The following NSG2 variants were observed in gnomAD, a reference collection of about 807,000 sequenced individuals.
The protein encoded by NSG2 is neuronal vesicle trafficking-associated protein 2.
In NSG2, 4 loss-of-function variants were observed where a neutral mutation model predicts 16.9. The observed-to-expected ratio is 0.24, with a 90% CI of 0.12 to 0.54. The LOEUF (loss-of-function observed/expected upper bound fraction) is 0.54. NSG2 is among the 20% of genes least tolerant of loss of function. NSG2 has a pLI of 0.95. For missense variants in NSG2, 179 were observed against 221.1 expected (o/e 0.81, Z 1.21); for synonymous variants, 98 against 88.7 (o/e 1.11, Z -0.59).
chr5:174,097,635 G>T (rs1305592353), intron 3 of NSG2, among the ~76,000 whole-genome samples: 1 of 149,974 alleles, frequency 6.7e-6, no homozygotes. Context: ...GTGTCTCTGT[G>T]TGTGTGTTTC....
intron 3 of NSG2, among the ~76,000 whole-genome samples, chr5:174,095,456 G>T (rs992359442): frequency 4.6e-5 from 7 of 152,114 alleles, no homozygotes; most frequent in African/African-American, 7.2e-5. Flanking sequence ...TCCCAGGCTT[G>T]TGGATGCATC....
At chr5:174,086,327 A>G (rs1760620603) in intron 3 of NSG2, 1 of 152,262 alleles carries the variant, frequency 6.6e-6, no homozygotes, top group Non-Finnish European at 1.5e-5. Context: ...TGCAAGTAAC[A>G]AAAGAAAGTA....
intron 2 of NSG2, among the ~76,000 whole-genome samples, chr5:174,051,036 C>G (rs998343800): frequency 1.3e-5 from 2 of 152,184 alleles, no homozygotes; most frequent in Non-Finnish European, 2.9e-5. Context: ...ATTCCTTTCA[C>G]TCCCACGTTG....
chr5:174,093,994 A>G (rs1219030521), intron 3 of NSG2, among the ~76,000 whole-genome samples: 1 of 152,190 alleles, frequency 6.6e-6, no homozygotes, highest in Non-Finnish European at 1.5e-5. Context: ...ATATCTTCCT[A>G]GAATAAGTTT....
intron 2 of NSG2, 47 bp from the exon 3 acceptor site, chr5:174,064,185 A>C: frequency 7.6e-7 from 1 of 1,318,450 alleles, no homozygotes. Context: ...AGAAAGGAAA[A>C]TGTTTCAAGT....
chr5:174,053,996 A>G lies in NSG2; in HGVS notation c.129+7112A>G, dbSNP rs538096415. Among the ~76,000 whole-genome samples the G allele has an allele frequency of 5.3e-5, 8 of 152,364 alleles. No homozygotes were observed. The East Asian group carries it at 1.5e-3, about 29-fold the overall frequency. ...ATTTCAAGTATGCAAAGGCCACTAT[A>G]TATTGAAAAGAACTGGGAACAACTT... is the stretch of plus-strand genomic sequence containing the variant. On this transcript the variant is annotated intron_variant, in intron 2 of 4. Coordinates refer to ENST00000303177, the MANE Select transcript of NSG2 (RefSeq NM_015980.5).
chr5:174,079,265 T>TC (rs1561668164), intron 3 of NSG2, among the ~76,000 whole-genome samples: 8 of 125,632 alleles, frequency 6.4e-5, no homozygotes, highest in African/African-American at 2.7e-4. Flanking sequence ...CTCTCTCTCT[T>TC]TTTTTTTTTT....
At chr5:174,095,136 G>A (rs967671705) in intron 3 of NSG2, among the ~76,000 whole-genome samples, 28 of 152,162 alleles carry the variant, frequency 1.8e-4, no homozygotes, top group South Asian at 4.2e-4. Context: ...CAGTTCATAC[G>A]GCAGTCTTCC....
chr5:174,051,383 C>T (rs1759886658), intron 2 of NSG2, among the ~76,000 whole-genome samples: 1 of 152,296 alleles, frequency 6.6e-6, no homozygotes, highest in South Asian at 2.1e-4. Context: ...TCCTTCTGCC[C>T]AGAATGCCCT....
intron 3 of NSG2, among the ~76,000 whole-genome samples, chr5:174,084,418 A>T (rs1760559057): frequency 6.6e-6 from 1 of 152,214 alleles, no homozygotes; most frequent in African/African-American, 2.4e-5. Context: ...GGCTATAGAG[A>T]TGAGTCCTCA....
intron 2 of NSG2, among the ~76,000 whole-genome samples, chr5:174,053,069 A>G (rs1014217173): frequency 6.6e-6 from 1 of 152,218 alleles, no homozygotes; most frequent in Non-Finnish European, 1.5e-5. Flanking sequence ...GGCCACATGC[A>G]CTTCATAGTC....
intron 3 of NSG2, among the ~76,000 whole-genome samples, chr5:174,073,847 T>G (rs1380321811): frequency 6.6e-6 from 1 of 152,154 alleles, no homozygotes; most frequent in Non-Finnish European, 1.5e-5. Flanking sequence ...AATGCTGCAA[T>G]AAAGCAAGTC....
intron 3 of NSG2, among the ~76,000 whole-genome samples, chr5:174,065,410 G>A (rs1043511920): frequency 3.9e-5 from 6 of 152,150 alleles, no homozygotes; most frequent in African/African-American, 1.2e-4. Flanking sequence ...AGAAGTGGGC[G>A]GAGGGCAGAC....
intron 2 of NSG2, among the ~76,000 whole-genome samples, chr5:174,050,820 A>G (rs1157038744): frequency 2.0e-4 from 30 of 151,972 alleles, no homozygotes. Context: ...GAAGAGCAGC[A>G]GGCTCCTGAG....
At chr5:174,065,327 C>CA (rs144603912) in intron 3 of NSG2, among the ~76,000 whole-genome samples, 514 of 120,564 alleles carry the variant, frequency 4.3e-3, no homozygotes, top group South Asian at 0.016. Flanking sequence ...GACTCCGTCT[C>CA]AAAAAAAAAA....
chr5:174,108,246 G>T lies in NSG2; in HGVS notation c.*741G>T. The T allele has an allele frequency of 6.3e-6, 1 of 158,346 alleles. No individual in the cohort carries two copies. Among genetic ancestry groups the T allele is most frequent in the Non-Finnish European group, 1.4e-5 (1 of 71,364 alleles). The allele number at this position is 158,346 out of a possible 1,614,324, so 9.8% of individuals were successfully genotyped here. A position where few individuals can be genotyped will look rare whatever the true frequency, so the allele number is the denominator to read the frequency against. ...TCTGCATCAGCAAACGCTGAGGAGTGGGCAGATTTTCTTTGTCTTTTGCTT... is the reference window on the plus strand; with the variant it reads ...TCTGCATCAGCAAACGCTGAGGAGTTGGCAGATTTTCTTTGTCTTTTGCTT... On this transcript the variant is annotated 3_prime_UTR_variant, in exon 5 of 5. Coordinates refer to ENST00000303177, the MANE Select transcript of NSG2 (RefSeq NM_015980.5).
At chr5:174,058,092 C>T (rs1581218869) in intron 2 of NSG2, among the ~76,000 whole-genome samples, 1 of 152,176 alleles carries the variant, frequency 6.6e-6, no homozygotes, top group Non-Finnish European at 1.5e-5. Flanking sequence ...TTTGATTTGA[C>T]ATAAACAGTA....
chr5:174,073,160 C>CT (rs1324666243), intron 3 of NSG2, among the ~76,000 whole-genome samples: 1 of 152,200 alleles, frequency 6.6e-6, no homozygotes, highest in Non-Finnish European at 1.5e-5. Flanking sequence ...GCTGATAACA[C>CT]ATCCTCATAA....
Position 174,072,431 on chromosome 5 carries a change from A to G in NSG2, c.213+8116A>G, listed in dbSNP as rs140240993. On this transcript the variant is annotated intron_variant, in intron 3 of 4. Transcript: ENST00000303177. The surrounding 1 kb of genome is among the most constrained non-coding windows in gnomAD (Gnocchi z 4.0). ...CTGCCTGCCATGGGGCCATCTCCCT[A>G]TTCATCCCTCAACACCAAATGCACA... 0.018 allele frequency among the ~76,000 whole-genome samples: 2,679 copies of G among 152,216 alleles called. 40 individuals are homozygous for G. Among genetic ancestry groups the G allele is most frequent in the Admixed American group, 0.04 (610 of 15,302 alleles).
Sources: gnomAD v4.1 joint callset for allele counts (sites outside exome capture counted in the v4.1 genomes callset) on GRCh38, gnomAD v4.1.1 for gene constraint, Gnocchi (gnomAD v3.1) non-coding constraint, MANE v1.5 for transcripts, NCBI Gene and HGNC (gene_info 2026-07-23, HGNC 2026-07-21) for gene names.